TMEM272: variants seen among roughly 807,000 people sequenced by gnomAD.
The protein encoded by TMEM272 is long intergenic non-protein coding RNA 282.
Under a neutral mutation model 3.7 loss-of-function variants are expected in TMEM272, and 8 were observed. The observed-to-expected ratio is 2.17, with a 90% CI of 1.27 to 3.91. The LOEUF (loss-of-function observed/expected upper bound fraction) is 3.91, where lower values mean the gene tolerates loss of function less well. Among genes scored for constraint, TMEM272 ranks in the 30% most tolerant of loss-of-function variants. The pLI is 0.00. For missense variants in TMEM272, 166 were observed against 91.5 expected (o/e 1.81, Z -3.32); for synonymous variants, 63 against 39.8 (o/e 1.58, Z -2.20).
Position 51,815,725 on chromosome 13 carries a change from T to C in TMEM272, c.*1026A>G, listed in dbSNP as rs1191123381. 1 of 152,204 alleles carries C rather than the reference T, an allele frequency of 6.6e-6. No individual in the cohort carries two copies. Among genetic ancestry groups the C allele is most frequent in the East Asian group, 1.9e-4 (1 of 5,194 alleles). 9.4% of individuals were successfully genotyped at this position (152,204 alleles called of 1,614,324 possible). A position where few individuals can be genotyped will look rare whatever the true frequency, so the allele number is the denominator to read the frequency against. ...CATAAAGAGGCTCCCCAGCGAGCAC[T>C]GACAACAGACCTGGACTTCATCTCT... On this transcript the variant is annotated 3_prime_UTR_variant, in exon 5 of 5. Transcript: ENST00000629372.
chr13:51,885,652 T>G, the TMEM272 span, among the ~76,000 whole-genome samples: 2 of 152,208 alleles, frequency 1.3e-5, no homozygotes, highest in Non-Finnish European at 2.9e-5. Flanking sequence ...TGCCAATACA[T>G]TACAGTAGAA....
the TMEM272 span, among the ~76,000 whole-genome samples, chr13:51,907,916 T>C: frequency 2.0e-5 from 3 of 152,210 alleles, no homozygotes; most frequent in African/African-American, 7.2e-5. Flanking sequence ...GGACAAAGAC[T>C]TTAGAATTTA....
the TMEM272 span, among the ~76,000 whole-genome samples, chr13:51,864,159 G>A: frequency 1.5e-5 from 2 of 132,758 alleles, no homozygotes; most frequent in African/African-American, 5.8e-5. Flanking sequence ...CTTCCTCCCA[G>A]CTTTTATTTT....
chr13:51,827,333 G>A (rs972698244), intron 2 of TMEM272, among the ~76,000 whole-genome samples: 4 of 152,304 alleles, frequency 2.6e-5, no homozygotes, highest in East Asian at 1.9e-4. Flanking sequence ...GGGCAAATTC[G>A]TTGACATCCG....
chr13:51,852,661 T>C, the TMEM272 span, among the ~76,000 whole-genome samples: 5 of 151,906 alleles, frequency 3.3e-5, no homozygotes, highest in Non-Finnish European at 5.9e-5. Context: ...GGGCAGATCA[T>C]GAGGTCAAGA....
chr13:51,913,235 T>G, the TMEM272 span, among the ~76,000 whole-genome samples: 2 of 152,128 alleles, frequency 1.3e-5, no homozygotes, highest in African/African-American at 4.8e-5. Context: ...GGAGCTTCAA[T>G]CCCTTGCATA....
the TMEM272 span, chr13:51,865,532 C>G: frequency 6.2e-7 from 1 of 1,614,160 alleles, no homozygotes; most frequent in South Asian, 1.1e-5. Flanking sequence ...AAAGGCTTTT[C>G]GCGAAGAGAT....
chr13:51,838,719 C>T (rs1222832062), intron 1 of TMEM272, among the ~76,000 whole-genome samples, 166 bp from the exon 2 acceptor site: 1 of 151,990 alleles, frequency 6.6e-6, no homozygotes, highest in Non-Finnish European at 1.5e-5. Flanking sequence ...GTTAGCGGGG[C>T]TGAGAAAAAG....
intron 1 of TMEM272, among the ~76,000 whole-genome samples, chr13:51,843,639 T>C (rs1956280068): frequency 6.6e-6 from 1 of 152,232 alleles, no homozygotes; most frequent in African/African-American, 2.4e-5. Context: ...GTTAGAAATC[T>C]GAAACAGGAA....
Position 51,815,505 on chromosome 13 carries a change from G to C in TMEM272, c.*1246C>G, listed in dbSNP as rs1018453539. 11 of 152,506 alleles carry C rather than the reference G, an allele frequency of 7.2e-5. No homozygotes were observed. The highest frequency in any genetic ancestry group is 2.7e-4 in the African/African-American group (11 of 41,440). The allele number at this position is 152,506 out of a possible 1,614,324, so 9.4% of individuals were successfully genotyped here. A position where few individuals can be genotyped will look rare whatever the true frequency, so the allele number is the denominator to read the frequency against. On this transcript the variant is annotated 3_prime_UTR_variant, in exon 5 of 5. Transcript: ENST00000629372. The stretch of plus-strand genomic sequence containing the variant: ...TCCATTCATGGCCACTCAGGGATTG[G>C]TTTGATGAGAAAGCACGAAAACATA...
chr13:51,844,073 T>A (rs1344892912), intron 1 of TMEM272, among the ~76,000 whole-genome samples: 3 of 152,150 alleles, frequency 2.0e-5, no homozygotes, highest in Non-Finnish European at 4.4e-5. Flanking sequence ...ACTTATCTGC[T>A]CCAAAATGTC....
At chr13:51,830,118 G>A (rs1173214036) in intron 2 of TMEM272, among the ~76,000 whole-genome samples, 1 of 152,186 alleles carries the variant, frequency 6.6e-6, no homozygotes, top group African/African-American at 2.4e-5. Flanking sequence ...AAAAGCATTT[G>A]GGTTTTGCTA....
chr13:51,861,255 T>C, the TMEM272 span, among the ~76,000 whole-genome samples: 11 of 152,116 alleles, frequency 7.2e-5, no homozygotes, highest in South Asian at 2.1e-4. Flanking sequence ...TGCAGATATA[T>C]AGGATAAATA....
the TMEM272 span, among the ~76,000 whole-genome samples, chr13:51,880,275 C>CAA: frequency 2.3e-5 from 3 of 129,330 alleles, no homozygotes; most frequent in Admixed American, 7.6e-5. Context: ...TTCCTTTCAC[C>CAA]AAAAAAAAAA....
At chr13:51,933,170 C>A in the TMEM272 span, 1 of 152,120 alleles carries the variant, frequency 6.6e-6, no homozygotes, top group Admixed American at 6.5e-5. Context: ...AGGCAAGGAC[C>A]TTTTCCTCGT....
chr13:51,830,282 C>T (rs563679012), intron 2 of TMEM272, among the ~76,000 whole-genome samples: 5 of 152,330 alleles, frequency 3.3e-5, no homozygotes, highest in African/African-American at 1.2e-4. Context: ...ATGTTACCTC[C>T]TCTTCACTAC....
At chr13:51,885,536 T>A in the TMEM272 span, among the ~76,000 whole-genome samples, 28 of 152,188 alleles carry the variant, frequency 1.8e-4, no homozygotes, top group African/African-American at 6.8e-4. Flanking sequence ...ACCGGATCCC[T>A]CCCACAACAT....
At chr13:51,922,826 A>G in the TMEM272 span, among the ~76,000 whole-genome samples, 1 of 152,184 alleles carries the variant, frequency 6.6e-6, no homozygotes, top group South Asian at 2.1e-4. Flanking sequence ...TCCATCTCCA[A>G]TCGCATCCCT....
the TMEM272 span, among the ~76,000 whole-genome samples, chr13:51,920,128 T>G: frequency 1.3e-5 from 2 of 152,116 alleles, no homozygotes; most frequent in Non-Finnish European, 2.9e-5. Context: ...GAACATACTC[T>G]CAGCAAGCGT....
Sources: gnomAD v4.1 joint callset for allele counts (sites outside exome capture counted in the v4.1 genomes callset) on GRCh38, gnomAD v4.1.1 for gene constraint, MANE v1.5 for transcripts, NCBI Gene and HGNC (gene_info 2026-07-23, HGNC 2026-07-21) for gene names.